The following FAM53A variants were observed in gnomAD, a reference collection of about 807,000 sequenced individuals.
FAM53A encodes the protein family with sequence similarity 53 member A.
FAM53A carries 28 observed loss-of-function variants against 26.6 expected under a neutral mutation model. The ratio of observed to expected loss-of-function variants is 1.05; its 90% CI spans 0.78 to 1.45. FAM53A has a LOEUF of 1.45. Among genes scored for constraint, FAM53A ranks in the 40% most tolerant of loss-of-function variants. The pLI is 0.00. For missense variants in FAM53A, 650 were observed against 575.8 expected, an observed-to-expected ratio of 1.13 and a Z score of -1.32; for synonymous variants, 290 against 253.1, an observed-to-expected ratio of 1.15 and a Z score of -1.38.
chr4:1,657,266 C>G, intron 3 of FAM53A, 142 bp downstream of exon 3: 1 of 732,610 alleles, frequency 1.4e-6, no homozygotes, highest in Non-Finnish European at 2.3e-6. Flanking sequence ...CAGGGACCAC[C>G]CCACGCCCCA....
chr4:1,632,311 A>G (rs1715643038), intron 1 of FAM53A, among the ~76,000 whole-genome samples: 1 of 151,468 alleles, frequency 6.6e-6, no homozygotes, highest in African/African-American at 2.5e-5. Context: ...AGACACACAC[A>G]GAGAAACGAC....
chr4:1,589,671 A>T, the FAM53A span, among the ~76,000 whole-genome samples: 1 of 152,144 alleles, frequency 6.6e-6, no homozygotes, highest in Non-Finnish European at 1.5e-5. Context: ...ATATTTTTAC[A>T]GAAATGTATT....
chr4:1,602,163 A>G, the FAM53A span, among the ~76,000 whole-genome samples: 5 of 152,204 alleles, frequency 3.3e-5, no homozygotes, highest in Non-Finnish European at 5.9e-5. Flanking sequence ...TGTCATCCAC[A>G]CAGTGGCTGG....
intron 1 of FAM53A, among the ~76,000 whole-genome samples, chr4:1,627,369 G>A (rs1392785962): frequency 2.6e-5 from 4 of 152,222 alleles, no homozygotes; most frequent in African/African-American, 9.6e-5. Context: ...CAGAGCAGCC[G>A]TGAACTGCCG....
intron 4 of FAM53A, among the ~76,000 whole-genome samples, chr4:1,649,837 TCAGGTGTGGTGTTTGACAGTGAGGTGGCA>T (rs1560152236): frequency 6.7e-5 from 10 of 149,182 alleles, no homozygotes; most frequent in South Asian, 2.1e-4. Context: ...GTGAGGTGGC[TCAGGTGTGGTGTTTGACAGTGAGGTGGCA>T]CAGGCGTGGT....
At chr4:1,650,672 T>C (rs1712697614) in intron 4 of FAM53A, among the ~76,000 whole-genome samples, 1 of 151,792 alleles carries the variant, frequency 6.6e-6, no homozygotes. Flanking sequence ...ATTTTTGTAT[T>C]TTTAGTAGAG....
chr4:1,643,700 G>C (rs1711966847), intron 4 of FAM53A, among the ~76,000 whole-genome samples: 1 of 151,492 alleles, frequency 6.6e-6, no homozygotes, highest in South Asian at 2.1e-4. Context: ...TCAAGTGGCT[G>C]AGACAACAGG....
chr4:1,676,218 C>T (rs1453898632), intron 1 of FAM53A, among the ~76,000 whole-genome samples: 1 of 152,186 alleles, frequency 6.6e-6, no homozygotes, highest in Admixed American at 6.5e-5. Context: ...GGGCCATGCC[C>T]CTCTGAAGGC....
chr4:1,637,223 G>C (rs1370674888), downstream of FAM53A, among the ~76,000 whole-genome samples: 3 of 152,134 alleles, frequency 2.0e-5, no homozygotes, highest in Non-Finnish European at 4.4e-5. Context: ...CAGAGAATAG[G>C]CCCAGGATAA....
Position 1,678,213 on chromosome 4 carries a change from C to T in FAM53A, c.-165+6020G>A, listed in dbSNP as rs553362091. On this transcript the variant is annotated intron_variant, in intron 1 of 4. Transcript: ENST00000308132. ...CTACATAAAATTTTAAAATTACCTGCGTGACTACAATCCTAGCTACTTAGA... is the reference window on the plus strand; with the variant it reads ...CTACATAAAATTTTAAAATTACCTGTGTGACTACAATCCTAGCTACTTAGA... 8.5e-5 allele frequency among the ~76,000 whole-genome samples: 13 copies of T among 152,166 alleles called. No individual in the cohort carries two copies. The East Asian group carries it at 1.5e-3, about 18-fold the overall frequency.
chr4:1,642,368 C>T (rs925013461), intron 4 of FAM53A, among the ~76,000 whole-genome samples: 2 of 152,188 alleles, frequency 1.3e-5, no homozygotes, highest in African/African-American at 4.8e-5. Flanking sequence ...CAGCAGGTCC[C>T]TGAGTGCCAG....
At position 1,651,222 on chromosome 4, in the gene FAM53A, CG is replaced by C; in HGVS notation, c.882+3755del. ...CCTGGGACAGAGCGAGACTCCATCT[CG>C]AAAAAAAAAAAAAAAAATTAAGAGA... On this transcript the variant is annotated intron_variant, in intron 4 of 4. Transcript: ENST00000308132. Among the ~76,000 whole-genome samples the C allele has an allele frequency of 1.9e-5, 2 of 105,572 alleles. 1 individual carries two copies. The highest frequency in any genetic ancestry group is 4.7e-4 in the East Asian group (2 of 4,234). 69.3% of individuals were successfully genotyped at this position (105,572 alleles called of 152,430 possible).
chr4:1,655,376 GC>G lies in FAM53A; in HGVS notation c.483del (p.Gln162ArgfsTer129). ...GGCAGGACGGCGCCGGGGCTTCCCTGCCGCGTGGCACTCCCGCCGCTGTCGC... is the reference window on the plus strand; with the variant it reads ...GGCAGGACGGCGCCGGGGCTTCCCTGCGCGTGGCACTCCCGCCGCTGTCGC... ...RRCDSGGSAT[R>X]QGSPGAVLPR... On this transcript the variant is annotated frameshift_variant, in exon 4 of 5. Transcript: ENST00000308132. LOFTEE classifies it high-confidence loss of function. 6.9e-7 allele frequency: 1 copy of G among 1,446,748 alleles called. No individual in the cohort carries two copies. Among genetic ancestry groups the G allele is most frequent in the Non-Finnish European group, 9.1e-7 (1 of 1,100,484 alleles). The allele number at this position is 1,446,748 out of a possible 1,614,324, so 89.6% of individuals were successfully genotyped here.
intron 1 of FAM53A, among the ~76,000 whole-genome samples, chr4:1,623,383 A>G (rs947108204): frequency 1.3e-5 from 2 of 150,558 alleles, no homozygotes; most frequent in African/African-American, 2.5e-5. Flanking sequence ...AGCCTCAAGC[A>G]GAGTTGCGTT....
chr4:1,659,817 G>A lies in FAM53A; in HGVS notation c.76-2349C>T, dbSNP rs1291868086. On this transcript the variant is annotated intron_variant, in intron 2 of 4. Coordinates refer to ENST00000308132, the MANE Select transcript of FAM53A (RefSeq NM_001174070.3). The surrounding 1 kb of genome is among the most constrained non-coding windows in gnomAD (Gnocchi z 5.2). ...GTTGTATCTATGCATGGTCGAAGGG[G>A]CTGGCTTCCTCTCTGATGCCTCTCA... Among the ~76,000 whole-genome samples the A allele has an allele frequency of 1.3e-5, 2 of 152,222 alleles. No homozygotes were observed. The highest frequency in any genetic ancestry group is 4.8e-5 in the African/African-American group (2 of 41,466).
Position 1,640,678 on chromosome 4 carries a change from A to C in FAM53A, c.*615T>G. 1 of 358,462 alleles carries C rather than the reference A, an allele frequency of 2.8e-6. No homozygotes were observed. Among genetic ancestry groups the C allele is most frequent in the East Asian group, 1.0e-4 (1 of 9,652 alleles). 22.2% of individuals were successfully genotyped at this position (358,462 alleles called of 1,614,324 possible). ...CATGGCCCCGACCAGCTCACATGAA[A>C]CCTAGTCTGTGCCCCAGGGCAGTGC... is the stretch of plus-strand genomic sequence containing the variant. On this transcript the variant is annotated 3_prime_UTR_variant, in exon 5 of 5. Coordinates refer to ENST00000308132, the MANE Select transcript of FAM53A (RefSeq NM_001174070.3).
At position 1,653,562 on chromosome 4, in the gene FAM53A, CTA is replaced by C. The variant is rs915731854; in HGVS notation, c.882+1414_882+1415del. ...GGCAAGCAGGGACAGCCTGCTTGTGCTATGTCCAAAGCTTGCCACCAGCTTTC... is the reference window on the plus strand; with the variant it reads ...GGCAAGCAGGGACAGCCTGCTTGTGCTGTCCAAAGCTTGCCACCAGCTTTC... On this transcript the variant is annotated intron_variant, in intron 4 of 4. Transcript: ENST00000308132. Among the ~76,000 whole-genome samples, 24 of 152,224 alleles carry C rather than the reference CTA, an allele frequency of 1.6e-4. 5 individuals are homozygous for C. Among genetic ancestry groups the C allele is most frequent in the Admixed American group, 1.5e-3 (23 of 15,280 alleles).
At chr4:1,620,355 T>C (rs1398816812) in intron 1 of FAM53A, among the ~76,000 whole-genome samples, 1 of 152,146 alleles carries the variant, frequency 6.6e-6, no homozygotes, top group Non-Finnish European at 1.5e-5. Context: ...CAGAAGCACC[T>C]GAGCTCTGTC....
At chr4:1,645,505 T>C (rs544779573) in intron 4 of FAM53A, among the ~76,000 whole-genome samples, 1 of 152,296 alleles carries the variant, frequency 6.6e-6, no homozygotes, top group East Asian at 1.9e-4. Context: ...GCACACAGCC[T>C]TACAAAGCCA....
Sources: allele counts gnomAD v4.1 joint callset (sites outside exome capture counted in the v4.1 genomes callset), GRCh38; gene constraint gnomAD v4.1.1; non-coding constraint Gnocchi (gnomAD v3.1); transcripts MANE v1.5; gene names NCBI Gene and HGNC (gene_info 2026-07-23, HGNC 2026-07-21).